Variants in ATP6V1B2 observed in about 807,000 individuals in gnomAD.
ATP6V1B2 encodes the protein V-type proton ATPase subunit B, brain isoform.
In ATP6V1B2, 23 loss-of-function variants were observed where a neutral mutation model predicts 66.7. That is an observed-to-expected ratio of 0.34 (90% CI 0.25 to 0.49). ATP6V1B2 has a LOEUF of 0.49. Ranked by LOEUF, ATP6V1B2 falls within the 20% of genes least tolerant of loss-of-function variation. ATP6V1B2 has a pLI of 0.99. For missense variants in ATP6V1B2, 478 were observed against 650.8 expected, an observed-to-expected ratio of 0.73 and a Z score of 2.89; for synonymous variants, 278 against 236.7, an observed-to-expected ratio of 1.17 and a Z score of -1.60.
chr8:20,220,773 T>A lies in ATP6V1B2; in HGVS notation c.*371T>A, dbSNP rs947394839. ...TACCAGTCTCTGAAGTTATAATGCT[T>A]TGGTCTCTACATTAGGGGCAAGATC... is the stretch of plus-strand genomic sequence containing the variant. On this transcript the variant is annotated 3_prime_UTR_variant, in exon 14 of 14. Transcript: ENST00000276390. 1.9e-5 allele frequency: 3 copies of A among 161,456 alleles called. No individual in the cohort carries two copies. The highest frequency in any genetic ancestry group is 7.2e-5 in the African/African-American group (3 of 41,492). The allele number at this position is 161,456 out of a possible 1,614,324, so 10.0% of individuals were successfully genotyped here.
chr8:20,200,649 C>G (rs2072676596), intron 1 of ATP6V1B2, among the ~76,000 whole-genome samples: 1 of 152,156 alleles, frequency 6.6e-6, no homozygotes. Flanking sequence ...AGAAAAGATT[C>G]AACAACATAC....
intron 1 of ATP6V1B2, among the ~76,000 whole-genome samples, chr8:20,203,149 G>A (rs2072703412): frequency 6.6e-6 from 1 of 152,132 alleles, no homozygotes; most frequent in Non-Finnish European, 1.5e-5. Context: ...CCTTTCACAT[G>A]ACCATCCATC....
chr8:20,218,369 T>C (rs2072875485), intron 13 of ATP6V1B2, 87 bp downstream of exon 13: 3 of 1,527,090 alleles, frequency 2.0e-6, no homozygotes, highest in South Asian at 2.5e-5. Flanking sequence ...TTCTCATTGG[T>C]TTCTATATAG....
chr8:20,201,467 G>T (rs2072686769), intron 1 of ATP6V1B2, among the ~76,000 whole-genome samples: 1 of 152,136 alleles, frequency 6.6e-6, no homozygotes, highest in South Asian at 2.1e-4. Flanking sequence ...TTTCTTTGCA[G>T]ATAGTTTTAG....
At chr8:20,201,885 C>T (rs148116611) in intron 1 of ATP6V1B2, among the ~76,000 whole-genome samples, 63 of 151,962 alleles carry the variant, frequency 4.1e-4, no homozygotes, top group Non-Finnish European at 6.8e-4. Flanking sequence ...TGAAAGAGTC[C>T]CAGGGTGGTT....
intron 1 of ATP6V1B2, among the ~76,000 whole-genome samples, chr8:20,203,570 T>G (rs191128190): frequency 6.6e-6 from 1 of 152,336 alleles, no homozygotes; most frequent in East Asian, 1.9e-4. Flanking sequence ...TTAGGCCTTA[T>G]AGTAAATTTT....
At chr8:20,213,430 C>T (rs150337939) in intron 9 of ATP6V1B2, 1,829 of 162,682 alleles carry the variant, frequency 0.011, 21 homozygotes, top group Non-Finnish European at 0.017. Flanking sequence ...AGGAGGGTCA[C>T]TTGGGATCAG....
intron 4 of ATP6V1B2, 40 bp downstream of exon 4, chr8:20,210,479 C>T (rs750323704): frequency 1.2e-6 from 2 of 1,607,018 alleles, no homozygotes; most frequent in African/African-American, 2.7e-5. Flanking sequence ...GATCTGTTTC[C>T]TTTTAAACAT....
At chr8:20,207,810 A>T (rs925150780) in intron 2 of ATP6V1B2, among the ~76,000 whole-genome samples, 1 of 152,084 alleles carries the variant, frequency 6.6e-6, no homozygotes, top group Non-Finnish European at 1.5e-5. Context: ...AGATATTTGT[A>T]CAAGGATTAA....
chr8:20,208,507 A>G (rs143810859), intron 2 of ATP6V1B2, among the ~76,000 whole-genome samples: 1 of 152,312 alleles, frequency 6.6e-6, no homozygotes, highest in East Asian at 1.9e-4. Flanking sequence ...TGTCATGTTA[A>G]TATCAGGTCA....
chr8:20,215,138 C>T (rs1048487093), intron 10 of ATP6V1B2, 170 bp downstream of exon 10: 1 of 787,296 alleles, frequency 1.3e-6, no homozygotes, highest in African/African-American at 1.8e-5. Context: ...AGTTATTATC[C>T]TATTGTGGAG....
chr8:20,204,220 C>G, intron 1 of ATP6V1B2: 2 of 454,304 alleles, frequency 4.4e-6, no homozygotes, highest in South Asian at 4.4e-5. Flanking sequence ...GTCTTTCCCT[C>G]TGTGTCTTGT....
chr8:20,220,670 A>C lies in ATP6V1B2; in HGVS notation c.*268A>C, dbSNP rs180745617. 6.1e-5 allele frequency: 20 copies of C among 328,522 alleles called. No homozygotes were observed. In the South Asian group the frequency reaches 7.1e-4, roughly 12 times the overall value. The allele number at this position is 328,522 out of a possible 1,614,324, so 20.4% of individuals were successfully genotyped here. On this transcript the variant is annotated 3_prime_UTR_variant, in exon 14 of 14. Transcript: ENST00000276390. ...TTTCTTATTGCTGTATGTATTGTAC[A>C]TAGTGGAGTAGTTAGTTACCTGATA...
At chr8:20,206,005 T>C (rs1239257349) in intron 2 of ATP6V1B2, among the ~76,000 whole-genome samples, 1 of 152,140 alleles carries the variant, frequency 6.6e-6, no homozygotes, top group Non-Finnish European at 1.5e-5. Context: ...GAAAAAAAAT[T>C]TGATGAAATT....
At chr8:20,211,392 C>G in intron 6 of ATP6V1B2, 76 bp downstream of exon 6, 1 of 1,545,666 alleles carries the variant, frequency 6.5e-7, no homozygotes, top group Non-Finnish European at 8.7e-7. Flanking sequence ...ACTGAGAAAC[C>G]GAATAAAGGG....
rs77764049 is a variant in ATP6V1B2, at chr8:20,201,164, G to T, written c.137-3320G>T. On this transcript the variant is annotated intron_variant, in intron 1 of 13. Coordinates refer to ENST00000276390, the MANE Select transcript of ATP6V1B2 (RefSeq NM_001693.4). ...ACATTTTGGTTGTAAAATATGTTAA[G>T]AAGGTAATATAAGCATATATCTTCT... is the stretch of plus-strand genomic sequence containing the variant. Among the ~76,000 whole-genome samples, 34 of 152,302 alleles carry T rather than the reference G, an allele frequency of 2.2e-4. No homozygotes were observed. In the East Asian group the frequency reaches 6.2e-3, roughly 28 times the overall value.
Position 20,204,555 on chromosome 8 carries a change from G to GT in ATP6V1B2, c.192+20dup. 5 of 1,601,286 alleles carry GT rather than the reference G, an allele frequency of 3.1e-6. No homozygotes were observed. The highest frequency in any genetic ancestry group is 4.3e-6 in the Non-Finnish European group (5 of 1,169,308). On this transcript the variant is annotated intron_variant, in intron 2 of 13. Coordinates refer to ENST00000276390, the MANE Select transcript of ATP6V1B2 (RefSeq NM_001693.4). ...TCATGTTAAGGTAATACCACTATCT[G>GT]TTTTGGTCTATTTATGTAGTTAAAA...
At chr8:20,216,600 A>G in intron 11 of ATP6V1B2, 105 bp downstream of exon 11, 2 of 1,024,710 alleles carry the variant, frequency 2.0e-6, no homozygotes, top group Middle Eastern at 2.2e-4. Context: ...GAAAGTATCA[A>G]CTTGAATTGT....
chr8:20,216,538 A>G (rs754178821), intron 11 of ATP6V1B2, 43 bp downstream of exon 11: 2 of 1,543,112 alleles, frequency 1.3e-6, no homozygotes, highest in Middle Eastern at 1.7e-4. Flanking sequence ...AGACCTGCTC[A>G]TCCGTTATTC....
Sources: allele counts gnomAD v4.1 joint callset (sites outside exome capture counted in the v4.1 genomes callset), GRCh38; gene constraint gnomAD v4.1.1; transcripts MANE v1.5; gene names NCBI Gene and HGNC (gene_info 2026-07-23, HGNC 2026-07-21).